CHODL: variants seen among roughly 807,000 people sequenced by gnomAD.
The protein encoded by CHODL is chondrolectin, also known as transmembrane protein MT75.
CHODL carries 29 observed loss-of-function variants against 34.5 expected under a neutral mutation model. The observed-to-expected ratio is 0.84, with a 90% CI of 0.63 to 1.15. The LOEUF (loss-of-function observed/expected upper bound fraction) is 1.15. Among genes scored for constraint, CHODL ranks in the 50% most tolerant of loss-of-function variants. The pLI, the probability that CHODL is intolerant of heterozygous loss-of-function variation, is 0.00. For missense variants in CHODL, 332 were observed against 332.5 expected, an observed-to-expected ratio of 1.00 and a Z score of 0.01; for synonymous variants, 125 against 116.1, an observed-to-expected ratio of 1.08 and a Z score of -0.49.
At chr21:18,125,006 A>C (rs1194736918) in intron 2 of CHODL, among the ~76,000 whole-genome samples, 3 of 152,234 alleles carry the variant, frequency 2.0e-5, no homozygotes, top group African/African-American at 7.2e-5. Flanking sequence ...TCTCAAAAAA[A>C]CTTCCTACCT....
intron 2 of CHODL, among the ~76,000 whole-genome samples, chr21:18,134,792 TAGATC>T (rs1261317639): frequency 6.6e-6 from 1 of 152,218 alleles, no homozygotes; most frequent in Non-Finnish European, 1.5e-5. Flanking sequence ...CAAATACTAA[TAGATC>T]TTTCCTTTGA....
At chr21:18,070,025 T>TTCCCTTCCCTC (rs1555860424) in intron 2 of CHODL, among the ~76,000 whole-genome samples, 13 of 29,136 alleles carry the variant, frequency 4.5e-4, no homozygotes, top group South Asian at 1.2e-3. Context: ...TTCCCTTCCC[T>TTCCCTTCCCTC]CCCCCCCCCC....
At chr21:18,005,303 TAAAG>T (rs1568840637) in intron 1 of CHODL, among the ~76,000 whole-genome samples, 1 of 152,214 alleles carries the variant, frequency 6.6e-6, no homozygotes, top group African/African-American at 2.4e-5. Flanking sequence ...TTACAACTAT[TAAAG>T]GAGGAATGTT....
intron 2 of CHODL, among the ~76,000 whole-genome samples, chr21:18,232,911 C>T (rs2146757561): frequency 7.6e-6 from 1 of 132,210 alleles, no homozygotes; most frequent in South Asian, 2.3e-4. Flanking sequence ...TTATAATGGT[C>T]CATATAATTA....
At chr21:18,079,349 A>G (rs1021598606) in intron 2 of CHODL, among the ~76,000 whole-genome samples, 2 of 150,032 alleles carry the variant, frequency 1.3e-5, no homozygotes, top group African/African-American at 4.9e-5. Flanking sequence ...GTATATATAT[A>G]CCATAGAATA....
intron 2 of CHODL, among the ~76,000 whole-genome samples, chr21:18,190,370 T>C (rs1267853448): frequency 2.6e-5 from 4 of 152,234 alleles, no homozygotes; most frequent in Non-Finnish European, 4.4e-5. Flanking sequence ...ATTCCATTCC[T>C]ATTCCATCAT....
intron 2 of CHODL, among the ~76,000 whole-genome samples, chr21:18,199,900 C>T (rs939389312): frequency 2.6e-5 from 4 of 152,142 alleles, no homozygotes; most frequent in African/African-American, 9.7e-5. Context: ...ATGAACAAAG[C>T]CGCTGTAATC....
intron 2 of CHODL, among the ~76,000 whole-genome samples, chr21:18,044,650 C>CT (rs928509748): frequency 1.3e-5 from 2 of 151,784 alleles, no homozygotes; most frequent in East Asian, 2.0e-4. Flanking sequence ...AAAGAAATAC[C>CT]TTTTTTTTCC....
chr21:18,032,198 T>C (rs781577400), intron 2 of CHODL, among the ~76,000 whole-genome samples: 14 of 152,074 alleles, frequency 9.2e-5, no homozygotes, highest in Non-Finnish European at 1.8e-4. Context: ...TGAAAATTGC[T>C]AGGAGAGTAG....
intron 2 of CHODL, among the ~76,000 whole-genome samples, chr21:18,076,637 A>G (rs1404570345): frequency 6.6e-6 from 1 of 152,232 alleles, no homozygotes; most frequent in Admixed American, 6.5e-5. Flanking sequence ...GATGTGGTCA[A>G]GATTAACTGA....
chr21:18,078,221 C>T lies in CHODL; in HGVS notation c.-45+50250C>T, dbSNP rs189554945. Among the ~76,000 whole-genome samples, 96 of 152,226 alleles carry T rather than the reference C, an allele frequency of 6.3e-4. 1 individual carries two copies. Among genetic ancestry groups the T allele is most frequent in the Non-Finnish European group, 9.9e-4 (67 of 68,008 alleles). ...AAAGAGGGTTGAGGGACTCACAGTT[C>T]CACATGGCTGGGGAGGGCTCACAAT... On this transcript the variant is annotated intron_variant, in intron 2 of 6. Transcript: ENST00000400127.
intron 2 of CHODL, among the ~76,000 whole-genome samples, chr21:18,105,705 G>A (rs753454141): frequency 1.3e-5 from 2 of 152,158 alleles, no homozygotes; most frequent in African/African-American, 2.4e-5. Context: ...AGTTATTTAG[G>A]TGATTCTAAT....
chr21:18,160,687 T>C (rs1172706557), intron 2 of CHODL, among the ~76,000 whole-genome samples: 1 of 152,260 alleles, frequency 6.6e-6, no homozygotes, highest in Non-Finnish European at 1.5e-5. Context: ...GGATTCATAA[T>C]ATTCCATTGT....
chr21:18,032,037 G>A lies in CHODL; in HGVS notation c.-45+4066G>A, dbSNP rs370230972. ...ACCAGTCATAGTATGGGCTTATGGA[G>A]AGTCAGCTGATAAACAGAACTCAAA... On this transcript the variant is annotated intron_variant, in intron 2 of 6. Coordinates refer to the CHODL transcript ENST00000400127. Among the ~76,000 whole-genome samples the A allele has an allele frequency of 5.9e-5, 9 of 152,138 alleles. No individual in the cohort carries two copies. The East Asian group carries it at 1.7e-3, about 30-fold the overall frequency.
chr21:18,083,296 G>C (rs528683064), intron 2 of CHODL, among the ~76,000 whole-genome samples: 1 of 152,366 alleles, frequency 6.6e-6, no homozygotes, highest in South Asian at 2.1e-4. Flanking sequence ...AGATTTTAGA[G>C]GATGTACGGA....
chr21:17,993,850 CCT>C (rs1351111453), intron 1 of CHODL, among the ~76,000 whole-genome samples: 5 of 152,184 alleles, frequency 3.3e-5, no homozygotes, highest in African/African-American at 1.2e-4. Flanking sequence ...TATGATCATT[CCT>C]CTTTCTCCAG....
At chr21:18,201,158 G>C (rs2073647013) in intron 2 of CHODL, among the ~76,000 whole-genome samples, 1 of 152,144 alleles carries the variant, frequency 6.6e-6, no homozygotes. Flanking sequence ...ACAAAGATAT[G>C]AACCAGGCTA....
chr21:18,261,418 C>A (rs2074381421), intron 4 of CHODL, among the ~76,000 whole-genome samples: 1 of 151,596 alleles, frequency 6.6e-6, no homozygotes, highest in Admixed American at 6.6e-5. Context: ...GTAATCCCAG[C>A]ACTTTGGGAG....
intron 2 of CHODL, among the ~76,000 whole-genome samples, chr21:18,174,729 T>C (rs2073285435): frequency 6.6e-6 from 1 of 152,200 alleles, no homozygotes. Context: ...CAGAGCTTGT[T>C]TGTCAGGCCT....
Sources: gnomAD v4.1 joint callset for allele counts (sites outside exome capture counted in the v4.1 genomes callset) on GRCh38, gnomAD v4.1.1 for gene constraint, MANE v1.5 for transcripts, NCBI Gene and HGNC (gene_info 2026-07-23, HGNC 2026-07-21) for gene names.